ABTB3: variants seen among roughly 807,000 people sequenced by gnomAD.
ABTB3 encodes the protein ankyrin repeat- and BTB/POZ domain-containing protein 3.
chr12:107,415,725 C>CA, the ABTB3 span, among the ~76,000 whole-genome samples: 3 of 147,874 alleles, frequency 2.0e-5, no homozygotes, highest in South Asian at 6.3e-4. Flanking sequence ...AAAAACAAAA[C>CA]AAAAAAACAA....
chr12:107,626,536 G>T, the ABTB3 span, among the ~76,000 whole-genome samples: 1 of 151,756 alleles, frequency 6.6e-6, no homozygotes, highest in Admixed American at 6.6e-5. Context: ...TTTTAATAGA[G>T]ATGGGGTTTC....
chr12:107,398,810 A>G, the ABTB3 span, among the ~76,000 whole-genome samples: 1 of 152,202 alleles, frequency 6.6e-6, no homozygotes, highest in Non-Finnish European at 1.5e-5. Flanking sequence ...GCTGTGTGCC[A>G]TTTACAAAAC....
the ABTB3 span, among the ~76,000 whole-genome samples, chr12:107,340,232 C>T: frequency 8.6e-4 from 131 of 152,160 alleles, 1 homozygote; most frequent in Middle Eastern, 0.01. Flanking sequence ...TATTTTCTTG[C>T]GCTCAAGAAG....
the ABTB3 span, among the ~76,000 whole-genome samples, chr12:107,345,189 A>G: frequency 6.6e-6 from 1 of 152,210 alleles, no homozygotes. Context: ...AACATGAAAT[A>G]TAAGATCATG....
At chr12:107,352,768 A>C in the ABTB3 span, among the ~76,000 whole-genome samples, 2 of 151,896 alleles carry the variant, frequency 1.3e-5, no homozygotes, top group African/African-American at 4.8e-5. Flanking sequence ...GGGGATGTAG[A>C]GTCAGGGCTG....
the ABTB3 span, among the ~76,000 whole-genome samples, chr12:107,331,223 C>T: frequency 1.3e-5 from 2 of 152,230 alleles, no homozygotes; most frequent in African/African-American, 4.8e-5. Flanking sequence ...TGACTCCTCC[C>T]TCAGCCCCTT....
chr12:107,344,455 C>T, the ABTB3 span, among the ~76,000 whole-genome samples: 2 of 152,176 alleles, frequency 1.3e-5, no homozygotes, highest in Admixed American at 1.3e-4. Context: ...AGAGTAAGTG[C>T]CTGTCAGAGA....
the ABTB3 span, among the ~76,000 whole-genome samples, chr12:107,455,714 G>T: frequency 6.6e-6 from 1 of 152,168 alleles, no homozygotes; most frequent in Non-Finnish European, 1.5e-5. Flanking sequence ...TCAGCTGTAG[G>T]ACGGGGAGTC....
chr12:107,511,394 G>T, the ABTB3 span, among the ~76,000 whole-genome samples: 1 of 152,168 alleles, frequency 6.6e-6, no homozygotes, highest in African/African-American at 2.4e-5. Context: ...AGGTCAGCTG[G>T]GTGCTTCTTT....
the ABTB3 span, chr12:107,619,980 C>G: frequency 6.2e-7 from 1 of 1,601,814 alleles, no homozygotes; most frequent in South Asian, 1.1e-5. Context: ...CCTCTCCCCG[C>G]TCCAGGCGTC....
the ABTB3 span, among the ~76,000 whole-genome samples, chr12:107,418,619 T>C: frequency 6.6e-6 from 1 of 152,172 alleles, no homozygotes; most frequent in African/African-American, 2.4e-5. Flanking sequence ...GCTGTGAGCA[T>C]CGTGAGAACA....
the ABTB3 span, among the ~76,000 whole-genome samples, chr12:107,361,479 A>T: frequency 2.7e-4 from 41 of 152,304 alleles, no homozygotes; most frequent in African/African-American, 9.6e-4. Flanking sequence ...TTCAAATTAC[A>T]GTCTGGAGTA....
the ABTB3 span, among the ~76,000 whole-genome samples, chr12:107,350,211 G>T: frequency 5.3e-5 from 8 of 152,032 alleles, no homozygotes; most frequent in Non-Finnish European, 1.0e-4. Flanking sequence ...AAATCATATT[G>T]TTCCCTGACT....
the ABTB3 span, among the ~76,000 whole-genome samples, chr12:107,394,303 T>G: frequency 6.6e-6 from 1 of 152,132 alleles, no homozygotes; most frequent in Non-Finnish European, 1.5e-5. Context: ...AGTTCCTGAG[T>G]CAAACTAAGA....
the ABTB3 span, among the ~76,000 whole-genome samples, chr12:107,375,746 T>C: frequency 5.2e-4 from 79 of 152,186 alleles, no homozygotes; most frequent in African/African-American, 1.8e-3. Flanking sequence ...TCCCCTCCCT[T>C]CCACCTCCAC....
the ABTB3 span, among the ~76,000 whole-genome samples, chr12:107,539,422 C>CT: frequency 2.6e-5 from 4 of 151,672 alleles, no homozygotes; most frequent in Admixed American, 1.3e-4. Context: ...GCTTAGCTTC[C>CT]TTTTTTTTTC....
At chr12:107,419,632 C>T in the ABTB3 span, among the ~76,000 whole-genome samples, 1 of 152,176 alleles carries the variant, frequency 6.6e-6, no homozygotes, top group African/African-American at 2.4e-5. Context: ...CCCTCTGTGC[C>T]TTGGCTTCTC....
At chr12:107,583,682 T>C in the ABTB3 span, among the ~76,000 whole-genome samples, 3 of 152,186 alleles carry the variant, frequency 2.0e-5, no homozygotes, top group African/African-American at 7.2e-5. Flanking sequence ...TTCTGCATGG[T>C]CTAGCGACCA....
chr12:107,390,475 C>T, the ABTB3 span, among the ~76,000 whole-genome samples: 1 of 152,196 alleles, frequency 6.6e-6, no homozygotes, highest in African/African-American at 2.4e-5. Flanking sequence ...TGTGTGCTTG[C>T]CACTTTCAAT....
Sources: allele counts gnomAD v4.1 joint callset (sites outside exome capture counted in the v4.1 genomes callset), GRCh38; gene constraint gnomAD v4.1.1; transcripts MANE v1.5; gene names NCBI Gene and HGNC (gene_info 2026-07-23, HGNC 2026-07-21).